ZDHHC20: variants seen among roughly 807,000 people sequenced by gnomAD.
ZDHHC20 encodes the protein zDHHC palmitoyltransferase 20.
A neutral mutation model predicts 57.8 loss-of-function variants in ZDHHC20; 43 were observed. That is an observed-to-expected ratio of 0.74 (90% CI 0.58 to 0.96). The LOEUF (loss-of-function observed/expected upper bound fraction) is 0.96. Ranked by LOEUF, ZDHHC20 falls within the 40% of genes least tolerant of loss-of-function variation. The pLI is 0.00. For synonymous variants in ZDHHC20, 157 were observed against 153.0 expected (o/e 1.03, Z -0.19); for missense variants, 391 against 441.1 (o/e 0.89, Z 1.02).
chr13:21,383,721 AC>A (rs773123043), intron 9 of ZDHHC20, among the ~76,000 whole-genome samples: 17 of 152,146 alleles, frequency 1.1e-4, no homozygotes, highest in Non-Finnish European at 1.6e-4. Context: ...TATTTATTCA[AC>A]AATATTCATT....
At chr13:21,386,094 G>T (rs1231070572) in intron 9 of ZDHHC20, among the ~76,000 whole-genome samples, 1 of 152,186 alleles carries the variant, frequency 6.6e-6, no homozygotes, top group East Asian at 1.9e-4. Context: ...ATGGGAGGGG[G>T]ACAATCTTGA....
intron 7 of ZDHHC20, among the ~76,000 whole-genome samples, chr13:21,397,539 A>G (rs1876989842): frequency 6.6e-6 from 1 of 151,912 alleles, no homozygotes; most frequent in East Asian, 1.9e-4. Context: ...GTGCCTGCCC[A>G]TGGTCCCAGC....
intron 1 of ZDHHC20, among the ~76,000 whole-genome samples, chr13:21,450,024 T>C (rs1372365636): frequency 6.6e-6 from 1 of 152,058 alleles, no homozygotes; most frequent in Non-Finnish European, 1.5e-5. Context: ...GTAGTAGTGG[T>C]GAGAAGCAGC....
At chr13:21,425,591 G>GTA (rs1881158049) in intron 2 of ZDHHC20, 61 bp downstream of exon 2, 4 of 1,125,428 alleles carry the variant, frequency 3.6e-6, no homozygotes, top group Non-Finnish European at 3.6e-6. Flanking sequence ...TAAATAAAAA[G>GTA]TATGTTCCAA....
chr13:21,397,176 C>T (rs972833198), intron 7 of ZDHHC20, among the ~76,000 whole-genome samples: 9 of 151,996 alleles, frequency 5.9e-5, no homozygotes, highest in Non-Finnish European at 1.0e-4. Flanking sequence ...GGGCGGATCA[C>T]CTGAGGTCAG....
chr13:21,428,578 G>C (rs944597839), intron 1 of ZDHHC20, among the ~76,000 whole-genome samples: 18 of 151,712 alleles, frequency 1.2e-4, no homozygotes, highest in Non-Finnish European at 2.4e-4. Flanking sequence ...AAAACTATTA[G>C]GACTGGGCGT....
chr13:21,457,007 C>T (rs1490123353), intron 1 of ZDHHC20, among the ~76,000 whole-genome samples: 7 of 152,180 alleles, frequency 4.6e-5, no homozygotes, highest in African/African-American at 1.7e-4. Flanking sequence ...CTCAGTCTCA[C>T]GTCCTCCACC....
chr13:21,397,356 T>C (rs998487471), intron 7 of ZDHHC20, among the ~76,000 whole-genome samples: 4 of 150,470 alleles, frequency 2.7e-5, no homozygotes, highest in African/African-American at 7.3e-5. Flanking sequence ...CTCATCTAAC[T>C]CAAGGTCAAG....
At position 21,375,730 on chromosome 13, in the gene ZDHHC20, C is replaced by T. The variant is rs1040363928; in HGVS notation, c.*966G>A. 1 of 152,182 alleles carries T rather than the reference C, an allele frequency of 6.6e-6. No individual in the cohort carries two copies. Among genetic ancestry groups the T allele is most frequent in the African/African-American group, 2.4e-5 (1 of 41,426 alleles). The allele number at this position is 152,182 out of a possible 1,614,324, so 9.4% of individuals were successfully genotyped here. On this transcript the variant is annotated 3_prime_UTR_variant, in exon 13 of 13. Coordinates refer to ENST00000400590, the MANE Select transcript of ZDHHC20 (RefSeq NM_001330059.2). ...TTTCAAAGTAATTTTTAGTCATTAC[C>T]TACACTGAAATTTGAAAGTGAAGTC...
intron 7 of ZDHHC20, among the ~76,000 whole-genome samples, chr13:21,397,471 G>A (rs574854387): frequency 2.0e-5 from 3 of 152,050 alleles, no homozygotes; most frequent in Admixed American, 6.6e-5. Flanking sequence ...AGACCAGCCT[G>A]GGCAACATGG....
At chr13:21,409,680 G>A (rs1398881478) in intron 4 of ZDHHC20, among the ~76,000 whole-genome samples, 2 of 151,922 alleles carry the variant, frequency 1.3e-5, no homozygotes, top group Non-Finnish European at 2.9e-5. Context: ...GATCGATTCA[G>A]CTATTGATAC....
chr13:21,378,860 G>A, intron 11 of ZDHHC20, 122 bp from the exon 12 acceptor site: 2 of 461,794 alleles, frequency 4.3e-6, no homozygotes, highest in Non-Finnish European at 3.6e-6. Context: ...ATAGGCTTAT[G>A]GTGTCAACCA....
At chr13:21,394,595 C>T (rs148373987) in intron 7 of ZDHHC20, among the ~76,000 whole-genome samples, 315 of 152,266 alleles carry the variant, frequency 2.1e-3, no homozygotes, top group African/African-American at 7.3e-3. Flanking sequence ...TTTACGTTTA[C>T]AAGTCTTTTT....
intron 1 of ZDHHC20, among the ~76,000 whole-genome samples, chr13:21,429,757 A>AGT (rs1450630921): frequency 1.3e-5 from 2 of 152,190 alleles, no homozygotes; most frequent in Non-Finnish European, 2.9e-5. Flanking sequence ...TAGTCCCACA[A>AGT]GTCCCTGATG....
At chr13:21,447,469 A>G (rs1374208998) in intron 1 of ZDHHC20, among the ~76,000 whole-genome samples, 2 of 145,734 alleles carry the variant, frequency 1.4e-5, no homozygotes, top group Admixed American at 6.9e-5. Flanking sequence ...GTTTTGGTGG[A>G]GACGGGGTTT....
At chr13:21,445,049 C>T (rs554703459) in intron 1 of ZDHHC20, among the ~76,000 whole-genome samples, 120 of 151,930 alleles carry the variant, frequency 7.9e-4, no homozygotes, top group African/African-American at 2.8e-3. Flanking sequence ...ACAGTGAGAC[C>T]CTGTCTCAAA....
At chr13:21,457,525 A>G (rs1885025381) in intron 1 of ZDHHC20, among the ~76,000 whole-genome samples, 1 of 152,194 alleles carries the variant, frequency 6.6e-6, no homozygotes, top group African/African-American at 2.4e-5. Context: ...TCTGGTATCC[A>G]AAAGCATGAG....
intron 3 of ZDHHC20, among the ~76,000 whole-genome samples, chr13:21,415,323 A>C (rs1879814814): frequency 6.6e-6 from 1 of 152,172 alleles, no homozygotes. Flanking sequence ...CTTTTTATAG[A>C]TAGTTACTCT....
chr13:21,448,225 C>G (rs1487070829), intron 1 of ZDHHC20, among the ~76,000 whole-genome samples: 2 of 83,588 alleles, frequency 2.4e-5, no homozygotes, highest in South Asian at 3.4e-4. Flanking sequence ...CCAGCTGCCC[C>G]ATCCGGGAGG....
Sources: allele counts gnomAD v4.1 joint callset (sites outside exome capture counted in the v4.1 genomes callset), GRCh38; gene constraint gnomAD v4.1.1; transcripts MANE v1.5; gene names NCBI Gene and HGNC (gene_info 2026-07-23, HGNC 2026-07-21).